Variants in SELENOO observed in about 807,000 individuals in gnomAD.
The protein encoded by SELENOO is protein adenylyltransferase SelO, mitochondrial.
Under a neutral mutation model 58.7 loss-of-function variants are expected in SELENOO, and 74 were observed. That is an observed-to-expected ratio of 1.26 (90% CI 1.04 to 1.53). The LOEUF (loss-of-function observed/expected upper bound fraction) is 1.53, where lower values mean the gene tolerates loss of function less well. Among genes scored for constraint, SELENOO ranks in the 40% most tolerant of loss-of-function variants. The pLI is 0.00. For synonymous variants in SELENOO, 543 were observed against 453.2 expected (o/e 1.20, Z -2.52); for missense variants, 1,149 against 970.0 (o/e 1.18, Z -2.45).
chr22:50,202,043 C>T (rs2064306255), intron 1 of SELENOO, among the ~76,000 whole-genome samples: 1 of 152,148 alleles, frequency 6.6e-6, no homozygotes, highest in Non-Finnish European at 1.5e-5. Context: ...TGTGGGGGGG[C>T]ACACAGGTGG....
intron 5 of SELENOO, among the ~76,000 whole-genome samples, chr22:50,213,359 T>C (rs541559920): frequency 5.3e-5 from 8 of 151,944 alleles, no homozygotes; most frequent in Admixed American, 1.3e-4. Context: ...GCCCAGCCAG[T>C]GTGTTGTGTT....
rs575301934 is a variant in SELENOO at position 50,201,048 on chromosome 22, C to G, written c.12C>G (p.Tyr4Ter). The change falls in exon 1 of 9, where the codon TAC becomes TAG. Residue 4 changes from tyrosine (Y) to a stop codon, truncating the protein, a stop_gained. Coordinates refer to ENST00000380903, the MANE Select transcript of SELENOO (RefSeq NM_031454.2). LOFTEE classifies it high-confidence loss of function. MAV[Y>*]RAALGASLAA... ...GAGCGGGGCCGCGGATGGCCGTATACAGGGCAGCGCTCGGGGCTTCGCTCG... is the reference window on the plus strand; with the variant it reads ...GAGCGGGGCCGCGGATGGCCGTATAGAGGGCAGCGCTCGGGGCTTCGCTCG... 5.3e-6 allele frequency: 7 copies of G among 1,320,586 alleles called. No individual in the cohort carries two copies. The highest frequency in any genetic ancestry group is 5.8e-6 in the Non-Finnish European group (6 of 1,036,856). The allele number at this position is 1,320,586 out of a possible 1,614,324, so 81.8% of individuals were successfully genotyped here. A position where few individuals can be genotyped will look rare whatever the true frequency, so the allele number is the denominator to read the frequency against.
At chr22:50,212,957 G>A (rs966633092) in intron 5 of SELENOO, among the ~76,000 whole-genome samples, 5 of 152,178 alleles carry the variant, frequency 3.3e-5, no homozygotes, top group Non-Finnish European at 5.9e-5. Context: ...TTCCTTAGGC[G>A]TGAGTTGAGG....
intron 5 of SELENOO, among the ~76,000 whole-genome samples, chr22:50,213,869 T>C (rs943175350): frequency 6.6e-6 from 1 of 151,886 alleles, no homozygotes; most frequent in African/African-American, 2.4e-5. Flanking sequence ...AGGATGGTCT[T>C]GATCGCCTGA....
At chr22:50,217,170 G>T (rs375283832) in intron 8 of SELENOO, 35 bp from the exon 9 acceptor site, 1 of 1,610,788 alleles carries the variant, frequency 6.2e-7, no homozygotes, top group Non-Finnish European at 8.5e-7. Context: ...GAGGGGGGTC[G>T]GCCCCAGACC....
chr22:50,216,757 G>A lies in SELENOO; in HGVS notation c.1569G>A (p.Arg523=), dbSNP rs369107772. 5.3e-5 allele frequency: 85 copies of A among 1,607,904 alleles called. No individual in the cohort carries two copies. The highest frequency in any genetic ancestry group is 8.0e-5 in the African/African-American group (6 of 74,872). Residue 523 remains arginine, a synonymous_variant, in exon 7 of 9, where the codon CGG becomes CGA. Coordinates refer to ENST00000380903, the MANE Select transcript of SELENOO (RefSeq NM_031454.2). ...AGCTGTTCGCGCTTATGGGCACCCG[G>A]GCAGGCATCGCCAGGGAGCTGGAGC... ...NPQLFALMGT[R]AGIARELERV...
chr22:50,210,578 C>T, intron 4 of SELENOO, 53 bp from the exon 5 acceptor site: 2 of 1,610,546 alleles, frequency 1.2e-6, no homozygotes, highest in South Asian at 1.1e-5. Flanking sequence ...GCTGCACCAT[C>T]TCCCGGGAAC....
intron 1 of SELENOO, among the ~76,000 whole-genome samples, chr22:50,204,201 G>C (rs1459393715): frequency 6.6e-6 from 1 of 152,234 alleles, no homozygotes; most frequent in African/African-American, 2.4e-5. Context: ...GGGCGTGGTG[G>C]TGGGTGCCTG....
intron 2 of SELENOO, among the ~76,000 whole-genome samples, chr22:50,207,692 C>T (rs1398312939): frequency 6.7e-6 from 1 of 148,786 alleles, no homozygotes; most frequent in Non-Finnish European, 1.5e-5. Flanking sequence ...CATCCCTGCC[C>T]TGGGCCCGCT....
Position 50,217,437 on chromosome 22 carries a change from G to C in SELENOO, c.*68G>C. The C allele has an allele frequency of 6.4e-7, 1 of 1,562,480 alleles. No homozygotes were observed. Among genetic ancestry groups the C allele is most frequent in the Non-Finnish European group, 8.7e-7 (1 of 1,150,820 alleles). On this transcript the variant is annotated 3_prime_UTR_variant, in exon 9 of 9. Transcript: ENST00000380903. ...CCATGTGCTGCTGAGTGGCCAAGAT[G>C]ATGCCAGGCTGCCCTATACACTGGG...
At chr22:50,201,633 C>G (rs1178364654) in intron 1 of SELENOO, 43 bp downstream of exon 1, 4 of 1,212,560 alleles carry the variant, frequency 3.3e-6, no homozygotes, top group Admixed American at 4.4e-5. Flanking sequence ...TCCTCCCCGC[C>G]GGGGCGCCCC....
chr22:50,206,105 T>C (rs1303537701), intron 1 of SELENOO: 3 of 597,834 alleles, frequency 5.0e-6, no homozygotes, highest in Admixed American at 3.0e-5. Flanking sequence ...TACCAGAGGC[T>C]GTGCCGACAA....
chr22:50,206,772 G>A (rs759986226), intron 2 of SELENOO, among the ~76,000 whole-genome samples: 7 of 152,204 alleles, frequency 4.6e-5, no homozygotes, highest in Non-Finnish European at 8.8e-5. Context: ...GCCCTCCCAC[G>A]TGCCCGGCCA....
Position 50,217,389 on chromosome 22 carries a change from A to G in SELENOO, c.*20A>G. The stretch of plus-strand genomic sequence containing the variant: ...TCGTAACGGCCTCGGCACGCTCCAC[A>G]CCCCTGGAGTCTCCCGAGGCCCCCA... On this transcript the variant is annotated 3_prime_UTR_variant, in exon 9 of 9. Coordinates refer to ENST00000380903, the MANE Select transcript of SELENOO (RefSeq NM_031454.2). 1 of 1,609,486 alleles carries G rather than the reference A, an allele frequency of 6.2e-7. No homozygotes were observed. The highest frequency in any genetic ancestry group is 8.5e-7 in the Non-Finnish European group (1 of 1,178,952).
In SELENOO at chr22:50,206,408, G is replaced by T. The variant is rs5771231; in HGVS notation, c.646G>T (p.Ala216Ser). ...MFHLGVPTTRAGACVTSESTV... is the reference protein window; with the variant it reads ...MFHLGVPTTRSGACVTSESTV... The stretch of plus-strand genomic sequence containing the variant: ...CCACCTGGGAGTCCCCACCACACGG[G>T]CCGGCGCCTGCGTCACGTCCGAGTC... The change falls in exon 2 of 9, where the codon GCC becomes TCC. Residue 216 changes from alanine (A) to serine (S), a missense_variant. Ala to Ser is a moderately conservative substitution (Grantham distance 99). Transcript: ENST00000380903. The T allele has an allele frequency of 1.6e-5, 26 of 1,614,184 alleles. No homozygotes were observed. The East Asian group carries it at 5.6e-4, about 35-fold the overall frequency.
In SELENOO at chr22:50,217,188, CCCTCCTGAT is replaced by C. The variant is rs2064423954; in HGVS notation, c.1846-11_1846-3del. 1 of 1,611,586 alleles carries C rather than the reference CCCTCCTGAT, an allele frequency of 6.2e-7. No homozygotes were observed. Among genetic ancestry groups the C allele is most frequent in the African/African-American group, 1.3e-5 (1 of 75,016 alleles). On this transcript the variant is annotated splice_region_variant and splice_polypyrimidine_tract_variant and intron_variant, in intron 8 of 8. Coordinates refer to ENST00000380903, the MANE Select transcript of SELENOO (RefSeq NM_031454.2). ...GGGGGTCGGCCCCAGACCCCTCTCA[CCCTCCTGAT>C]CCTCCAGGTGCGGCGGGTGCTGAAA...
At position 50,210,750 on chromosome 22, in the gene SELENOO, T is replaced by C; in HGVS notation, c.1190T>C (p.Leu397Pro). The change falls in exon 5 of 9, where the codon CTG (leucine) becomes CCG (proline). Residue 397 changes from leucine to proline, a missense_variant. Transcript: ENST00000380903. Reference sequence around the variant, plus strand: ...CTGGCCGAGGCCCTGCAGCCGGAACTGCCCCTGGAGCTGGGGGAGGCCATC... The same window carrying C: ...CTGGCCGAGGCCCTGCAGCCGGAACCGCCCCTGGAGCTGGGGGAGGCCATC... ...RKLAEALQPELPLELGEAILA... is the reference protein window; with the variant it reads ...RKLAEALQPEPPLELGEAILA... The C allele has an allele frequency of 6.2e-7, 1 of 1,613,688 alleles. No individual in the cohort carries two copies. Among genetic ancestry groups the C allele is most frequent in the Non-Finnish European group, 8.5e-7 (1 of 1,180,020 alleles).
chr22:50,201,066 T>C lies in SELENOO; in HGVS notation c.30T>C (p.Ala10=). 1 of 1,358,330 alleles carries C rather than the reference T, an allele frequency of 7.4e-7. No homozygotes were observed. The highest frequency in any genetic ancestry group is 9.5e-7 in the Non-Finnish European group (1 of 1,055,736). The allele number at this position is 1,358,330 out of a possible 1,614,324, so 84.1% of individuals were successfully genotyped here. The change falls in exon 1 of 9, where the codon GCT becomes GCC. Residue 10 remains alanine (A), a synonymous_variant. Transcript: ENST00000380903. MAVYRAALG[A]SLAAARLLPL... ...CCGTATACAGGGCAGCGCTCGGGGC[T>C]TCGCTCGCGGCTGCCCGACTCTTGC...
At position 50,201,042 on chromosome 22, in the gene SELENOO, C is replaced by G. The variant is rs544348626; in HGVS notation, c.6C>G (p.Ala2=). The G allele has an allele frequency of 2.2e-5, 29 of 1,307,756 alleles. No individual in the cohort carries two copies. Among genetic ancestry groups the G allele is most frequent in the Middle Eastern group, 2.8e-4 (1 of 3,540 alleles). The allele number at this position is 1,307,756 out of a possible 1,614,324, so 81.0% of individuals were successfully genotyped here. ...CGGCGGGAGCGGGGCCGCGGATGGC[C>G]GTATACAGGGCAGCGCTCGGGGCTT... The part of the protein sequence containing the change: M[A]VYRAALGASL... Residue 2 remains alanine (A), a synonymous_variant, in exon 1 of 9, where the codon GCC becomes GCG. Coordinates refer to ENST00000380903, the MANE Select transcript of SELENOO (RefSeq NM_031454.2).
Sources: gnomAD v4.1 joint callset for allele counts (sites outside exome capture counted in the v4.1 genomes callset) on GRCh38, gnomAD v4.1.1 for gene constraint, MANE v1.5 for transcripts, NCBI Gene and HGNC (gene_info 2026-07-23, HGNC 2026-07-21) for gene names.